The following CDYL variants were observed in gnomAD, a reference collection of about 807,000 sequenced individuals.
The protein encoded by CDYL is chromodomain Y-like protein.
A neutral mutation model predicts 47.3 loss-of-function variants in CDYL; 8 were observed. That is an observed-to-expected ratio of 0.17 (90% CI 0.10 to 0.31). The LOEUF (loss-of-function observed/expected upper bound fraction) is 0.31. Among genes scored for constraint, CDYL ranks in the 10% least tolerant of loss-of-function variants. CDYL has a pLI of 1.00. For missense variants in CDYL, 471 were observed against 701.4 expected (o/e 0.67, Z 3.71); for synonymous variants, 266 against 265.0 (o/e 1.00, Z -0.04).
At chr6:4,810,432 A>G (rs1759496233) in intron 1 of CDYL, among the ~76,000 whole-genome samples, 1 of 152,212 alleles carries the variant, frequency 6.6e-6, no homozygotes, top group Non-Finnish European at 1.5e-5. Context: ...TGTCAGAGTT[A>G]CTTTCAGATT....
chr6:4,836,550 G>A (rs938825826), intron 1 of CDYL, among the ~76,000 whole-genome samples: 1 of 152,118 alleles, frequency 6.6e-6, no homozygotes, highest in Admixed American at 6.6e-5. Context: ...TGTTTTTGCA[G>A]TCAGTACTTT....
rs1450061299 is a variant in CDYL, at chr6:4,943,763, A to T, written c.1332+7A>T. 1 of 1,350,080 alleles carries T rather than the reference A, an allele frequency of 7.4e-7. No individual in the cohort carries two copies. Among genetic ancestry groups the T allele is most frequent in the Middle Eastern group, 2.4e-4 (1 of 4,106 alleles). 83.6% of individuals were successfully genotyped at this position (1,350,080 alleles called of 1,614,324 possible). On this transcript the variant is annotated splice_region_variant and intron_variant, in intron 5 of 6. Transcript: ENST00000397588. The stretch of plus-strand genomic sequence containing the variant: ...GATAATGGGAGGAGCATCTGTGAGT[A>T]CCTTTTTAAAAAAAAAAAAAAAAAG...
intron 2 of CDYL, among the ~76,000 whole-genome samples, chr6:4,919,842 A>G (rs1332940264): frequency 6.6e-6 from 1 of 152,212 alleles, no homozygotes; most frequent in Non-Finnish European, 1.5e-5. Context: ...CACATGATGC[A>G]GCGGTTCTAT....
At chr6:4,722,971 T>C (rs183422373) in intron 2 of CDYL, among the ~76,000 whole-genome samples, 1 of 152,180 alleles carries the variant, frequency 6.6e-6, no homozygotes, top group African/African-American at 2.4e-5. Context: ...TGAATGAAAA[T>C]ATCAAAATCA....
intron 2 of CDYL, among the ~76,000 whole-genome samples, chr6:4,898,496 C>T (rs2127491811): frequency 6.6e-6 from 1 of 152,326 alleles, no homozygotes; most frequent in South Asian, 2.1e-4. Context: ...AGCAAACCCA[C>T]TTACACAAGG....
chr6:4,908,751 G>A (rs1757316563), intron 2 of CDYL, among the ~76,000 whole-genome samples: 1 of 152,176 alleles, frequency 6.6e-6, no homozygotes, highest in Non-Finnish European at 1.5e-5. Flanking sequence ...CCCACAGGCA[G>A]TCCTTTGACC....
chr6:4,897,671 C>T (rs1257043774), intron 2 of CDYL, among the ~76,000 whole-genome samples: 1 of 151,892 alleles, frequency 6.6e-6, no homozygotes, highest in African/African-American at 2.4e-5. Flanking sequence ...AATCCCAGCG[C>T]TTTGGGAAGC....
chr6:4,750,930 G>A (rs1253903816), intron 3 of CDYL, among the ~76,000 whole-genome samples: 1 of 149,834 alleles, frequency 6.7e-6, no homozygotes. Context: ...TCGGCTCACT[G>A]CAAGCTCTGC....
At chr6:4,877,475 G>C (rs1761651640) in intron 1 of CDYL, among the ~76,000 whole-genome samples, 1 of 152,020 alleles carries the variant, frequency 6.6e-6, no homozygotes, top group Non-Finnish European at 1.5e-5. Context: ...TTTATACTTA[G>C]GCCTGTAATG....
At chr6:4,731,156 GTAA>G (rs1271770169) in intron 2 of CDYL, among the ~76,000 whole-genome samples, 53 of 152,076 alleles carry the variant, frequency 3.5e-4, no homozygotes, top group Admixed American at 2.0e-4. Context: ...TACACTTCTG[GTAA>G]TACATTGTAC....
intron 1 of CDYL, among the ~76,000 whole-genome samples, chr6:4,852,959 T>G (rs979621891): frequency 2.6e-5 from 4 of 152,110 alleles, no homozygotes; most frequent in African/African-American, 9.7e-5. Context: ...CCAGCTAATA[T>G]TTTAATTCTT....
At chr6:4,797,423 A>AT (rs1759104027) in intron 1 of CDYL, among the ~76,000 whole-genome samples, 6 of 137,368 alleles carry the variant, frequency 4.4e-5, no homozygotes, top group African/African-American at 1.6e-4. Flanking sequence ...TTTTCTTTTC[A>AT]TTTCTTTTTT....
intron 2 of CDYL, among the ~76,000 whole-genome samples, chr6:4,728,813 C>T (rs879578968): frequency 1.3e-5 from 2 of 152,140 alleles, no homozygotes; most frequent in African/African-American, 2.4e-5. Flanking sequence ...CATATTGTGC[C>T]CACTCCGGTT....
chr6:4,892,243 G>C lies in CDYL; in HGVS notation c.555G>C (p.Lys185Asn). 2 of 1,614,252 alleles carry C rather than the reference G, an allele frequency of 1.2e-6. No homozygotes were observed. Among genetic ancestry groups the C allele is most frequent in the East Asian group, 4.5e-5 (2 of 44,890 alleles). ...DTVAPEVAAE[K>N]PVGALLGPGA... ...TGGCACCCGAAGTGGCAGCGGAAAA[G>C]CCGGTCGGAGCTTTATTGGGCCCCG... Residue 185 changes from lysine to asparagine, a missense_variant, in exon 2 of 7, where the codon AAG becomes AAC. Physicochemically the swap from Lys to Asn is moderately conservative, Grantham distance 94 (BLOSUM62 0). Around this residue, in one of 3 missense-constraint regions of CDYL, gnomAD observed 311 missense variants for 350.0 expected, o/e 0.89. Transcript: ENST00000397588.
intron 2 of CDYL, among the ~76,000 whole-genome samples, chr6:4,910,263 C>T (rs1383014937): frequency 6.6e-6 from 1 of 152,208 alleles, no homozygotes; most frequent in African/African-American, 2.4e-5. Context: ...CCTGGAACAA[C>T]ACCAGGCAGT....
chr6:4,907,768 A>G (rs1173725335), intron 2 of CDYL, among the ~76,000 whole-genome samples: 1 of 152,172 alleles, frequency 6.6e-6, no homozygotes, highest in African/African-American at 2.4e-5. Flanking sequence ...TATTTATAAA[A>G]CTTAGCACAT....
At chr6:4,937,340 T>G (rs1429416937) in intron 3 of CDYL, among the ~76,000 whole-genome samples, 1 of 150,338 alleles carries the variant, frequency 6.7e-6, no homozygotes, top group African/African-American at 2.5e-5. Context: ...ACAAAAAGGT[T>G]GAAAAATGAG....
At chr6:4,778,050 A>G (rs1337669136) in intron 1 of CDYL, among the ~76,000 whole-genome samples, 1 of 150,172 alleles carries the variant, frequency 6.7e-6, no homozygotes, top group Non-Finnish European at 1.5e-5. Flanking sequence ...ATTTTAGGTC[A>G]TTTGGGGATG....
At chr6:4,924,762 T>G (rs1334299635) in intron 2 of CDYL, among the ~76,000 whole-genome samples, 8 of 152,194 alleles carry the variant, frequency 5.3e-5, no homozygotes, top group Admixed American at 3.3e-4. Flanking sequence ...TCTGCTATAA[T>G]GTGATATATG....
Sources: allele counts gnomAD v4.1 joint callset (sites outside exome capture counted in the v4.1 genomes callset), GRCh38; gene constraint gnomAD v4.1.1; regional missense constraint gnomAD v4.1.1; transcripts MANE v1.5; gene names NCBI Gene and HGNC (gene_info 2026-07-23, HGNC 2026-07-21).